The following FHOD3 variants were observed in gnomAD, a reference collection of about 807,000 sequenced individuals.
FHOD3 encodes the protein FH1/FH2 domain-containing protein 3.
In FHOD3, 90 loss-of-function variants were observed where a neutral mutation model predicts 173.0. The ratio of observed to expected loss-of-function variants is 0.52; its 90% CI spans 0.44 to 0.62. FHOD3 has a LOEUF of 0.62. FHOD3 is among the 20% of genes least tolerant of loss of function. FHOD3 has a pLI of 0.00. For synonymous variants in FHOD3, 828 were observed against 823.0 expected (o/e 1.01, Z -0.10); for missense variants, 1,945 against 2,034.7 (o/e 0.96, Z 0.85).
chr18:36,652,561 G>C lies in FHOD3; in HGVS notation c.1287-9G>C. 1 of 1,520,446 alleles carries C rather than the reference G, an allele frequency of 6.6e-7. No individual in the cohort carries two copies. Among genetic ancestry groups the C allele is most frequent in the Non-Finnish European group, 8.8e-7 (1 of 1,136,496 alleles). The allele number at this position is 1,520,446 out of a possible 1,614,324, so 94.2% of individuals were successfully genotyped here. On this transcript the variant is annotated splice_polypyrimidine_tract_variant and intron_variant, in intron 11 of 28. Coordinates refer to ENST00000590592, the MANE Select transcript of FHOD3 (RefSeq NM_001281740.3). ...TTCTTCTTCCTCCTCCTCCCTGCTG[G>C]CCCAACAGCAAGGTCGGCGCTGCCT...
chr18:36,424,018 G>A (rs9946149), intron 3 of FHOD3, among the ~76,000 whole-genome samples: 5,649 of 152,232 alleles, frequency 0.037, 360 homozygotes, highest in African/African-American at 0.13. Flanking sequence ...GGTGAATGCA[G>A]AAAACTGCCT....
chr18:36,651,162 C>T (rs2036023865), intron 11 of FHOD3, among the ~76,000 whole-genome samples: 1 of 152,100 alleles, frequency 6.6e-6, no homozygotes, highest in South Asian at 2.1e-4. Flanking sequence ...AGGCACTGCC[C>T]TCAGCTCGCT....
chr18:36,732,157 G>T (rs2041395950), intron 20 of FHOD3, among the ~76,000 whole-genome samples: 1 of 152,284 alleles, frequency 6.6e-6, no homozygotes, highest in African/African-American at 2.4e-5. Flanking sequence ...GTTTTTAAAA[G>T]CCAAAGAATA....
chr18:36,449,288 T>C (rs1337721956), intron 3 of FHOD3, among the ~76,000 whole-genome samples: 1 of 150,384 alleles, frequency 6.6e-6, no homozygotes, highest in Non-Finnish European at 1.5e-5. Context: ...TTTTAAATAT[T>C]TGTTATTCTT....
At chr18:36,455,044 A>C (rs1451837355) in intron 3 of FHOD3, among the ~76,000 whole-genome samples, 2 of 152,208 alleles carry the variant, frequency 1.3e-5, no homozygotes, top group Non-Finnish European at 2.9e-5. Context: ...AGAACAAACA[A>C]AGGCATAAAC....
At chr18:36,707,476 A>G (rs1353383697) in intron 17 of FHOD3, among the ~76,000 whole-genome samples, 1 of 152,218 alleles carries the variant, frequency 6.6e-6, no homozygotes, top group Non-Finnish European at 1.5e-5. Flanking sequence ...AATATCAGGA[A>G]AGGTGACATT....
At chr18:36,767,819 TAC>T (rs755778635) in intron 27 of FHOD3, among the ~76,000 whole-genome samples, 10 of 151,148 alleles carry the variant, frequency 6.6e-5, no homozygotes, top group African/African-American at 1.5e-4. Flanking sequence ...ATATGTCAAC[TAC>T]ACACACACAC....
At chr18:36,461,339 T>G (rs1338038586) in intron 3 of FHOD3, among the ~76,000 whole-genome samples, 6 of 152,232 alleles carry the variant, frequency 3.9e-5, no homozygotes, top group Admixed American at 2.0e-4. Context: ...ACTGAAAGGA[T>G]TTTTTTCATT....
At position 36,688,855 on chromosome 18, in the gene FHOD3, G is replaced by A. The variant is rs77150687; in HGVS notation, c.2021+1677G>A. ...CAGCTCTTTCTGGATATTATTTACTGCTCTTTTTTGTCCAAACAAGACTTC... is the reference window on the plus strand; with the variant it reads ...CAGCTCTTTCTGGATATTATTTACTACTCTTTTTTGTCCAAACAAGACTTC... On this transcript the variant is annotated intron_variant, in intron 16 of 28. Transcript: ENST00000590592. Among the ~76,000 whole-genome samples the A allele has an allele frequency of 4.2e-3, 638 of 152,288 alleles. 8 individuals carry two copies. Among genetic ancestry groups the A allele is most frequent in the African/African-American group, 0.015 (603 of 41,560 alleles).
intron 3 of FHOD3, among the ~76,000 whole-genome samples, chr18:36,396,068 T>G (rs1403697374): frequency 6.6e-6 from 1 of 152,216 alleles, no homozygotes; most frequent in African/African-American, 2.4e-5. Flanking sequence ...TTGGCCAACA[T>G]TTTATGTCCT....
chr18:36,688,477 T>A (rs2038767252), intron 16 of FHOD3, among the ~76,000 whole-genome samples: 1 of 152,212 alleles, frequency 6.6e-6, no homozygotes, highest in African/African-American at 2.4e-5. Flanking sequence ...CAACATTCTA[T>A]TTGATTATTG....
chr18:36,641,909 C>T (rs752600253), intron 10 of FHOD3, among the ~76,000 whole-genome samples: 11 of 150,186 alleles, frequency 7.3e-5, no homozygotes, highest in South Asian at 6.3e-4. Context: ...GCCAAGATTG[C>T]GCCACTGCAC....
intron 3 of FHOD3, among the ~76,000 whole-genome samples, chr18:36,487,396 A>G (rs562803877): frequency 6.6e-6 from 1 of 152,296 alleles, no homozygotes; most frequent in Non-Finnish European, 1.5e-5. Context: ...CTAAAAGCAC[A>G]CAGGCAGTAA....
chr18:36,661,746 A>T (rs1335776087), intron 14 of FHOD3, among the ~76,000 whole-genome samples: 1 of 152,200 alleles, frequency 6.6e-6, no homozygotes, highest in Non-Finnish European at 1.5e-5. Context: ...TTGACATAGG[A>T]AGGAAGTGCT....
At chr18:36,485,520 G>T (rs2054150103) in intron 3 of FHOD3, among the ~76,000 whole-genome samples, 1 of 152,206 alleles carries the variant, frequency 6.6e-6, no homozygotes, top group African/African-American at 2.4e-5. Flanking sequence ...TCCAGGGGCT[G>T]CCCCAGCAGT....
At chr18:36,442,355 C>G (rs2051203803) in intron 3 of FHOD3, among the ~76,000 whole-genome samples, 1 of 151,962 alleles carries the variant, frequency 6.6e-6, no homozygotes. Flanking sequence ...ATATTTAGCT[C>G]AAAACTAGTG....
chr18:36,466,817 A>G (rs186813868), intron 3 of FHOD3, among the ~76,000 whole-genome samples: 10 of 152,116 alleles, frequency 6.6e-5, no homozygotes, highest in Non-Finnish European at 1.2e-4. Flanking sequence ...TACGTTAAGT[A>G]AGATGTTATC....
At chr18:36,695,418 T>C (rs2039226039) in intron 17 of FHOD3, among the ~76,000 whole-genome samples, 1 of 151,914 alleles carries the variant, frequency 6.6e-6, no homozygotes, top group Non-Finnish European at 1.5e-5. Flanking sequence ...TAATAGAGAC[T>C]GAGAGAATGT....
At chr18:36,407,453 T>A (rs1598997618) in intron 3 of FHOD3, among the ~76,000 whole-genome samples, 1 of 152,208 alleles carries the variant, frequency 6.6e-6, no homozygotes, top group Non-Finnish European at 1.5e-5. Context: ...CCAGGGACTC[T>A]GCACCTTGTT....
Sources: allele counts gnomAD v4.1 joint callset (sites outside exome capture counted in the v4.1 genomes callset), GRCh38; gene constraint gnomAD v4.1.1; transcripts MANE v1.5; gene names NCBI Gene and HGNC (gene_info 2026-07-23, HGNC 2026-07-21).